The following SGCZ variants were observed in gnomAD, a reference collection of about 807,000 sequenced individuals.
SGCZ encodes the protein sarcoglycan zeta, also known as zeta-sarcoglycan.
Under a neutral mutation model 41.3 loss-of-function variants are expected in SGCZ, and 40 were observed. The observed-to-expected ratio is 0.97, with a 90% CI of 0.75 to 1.26. The LOEUF is 1.26. Among genes scored for constraint, SGCZ ranks in the 50% most tolerant of loss-of-function variants. The probability of loss-of-function intolerance (pLI) is 0.00; values close to 1 mark genes in which losing one functional copy is unlikely to be tolerated. For missense variants in SGCZ, 552 were observed against 369.8 expected, an observed-to-expected ratio of 1.49 and a Z score of -4.04; for synonymous variants, 206 against 137.5, an observed-to-expected ratio of 1.50 and a Z score of -3.49.
chr8:14,181,106 C>T (rs181369184), intron 4 of SGCZ, among the ~76,000 whole-genome samples: 3 of 152,262 alleles, frequency 2.0e-5, no homozygotes, highest in South Asian at 2.1e-4. Context: ...CTGAGGCCCA[C>T]AGTAGTCTCC....
intron 3 of SGCZ, among the ~76,000 whole-genome samples, chr8:14,271,575 T>C (rs2117264497): frequency 6.6e-6 from 1 of 152,332 alleles, no homozygotes; most frequent in African/African-American, 2.4e-5. Flanking sequence ...AAACCTGAGT[T>C]TCCTGTTCCT....
rs180806553 is a variant in SGCZ at position 15,129,602 on chromosome 8, G to C, written c.39+107983C>G. 1.3e-3 allele frequency among the ~76,000 whole-genome samples: 190 copies of C among 149,330 alleles called. 1 individual carries two copies. Among genetic ancestry groups the C allele is most frequent in the African/African-American group, 3.8e-3 (157 of 40,820 alleles). On this transcript the variant is annotated intron_variant, in intron 1 of 7. Transcript: ENST00000382080. ...AAATGTTTCTTATTACTTGAGAAAA[G>C]TGCTTGATAACCAGCCATGCATGGG...
At chr8:14,972,947 T>C (rs985872002) in intron 1 of SGCZ, among the ~76,000 whole-genome samples, 1 of 152,232 alleles carries the variant, frequency 6.6e-6, no homozygotes, top group Non-Finnish European at 1.5e-5. Context: ...TCCCTTTGTG[T>C]AGTTACATAT....
chr8:14,411,955 G>A (rs1386200001), intron 2 of SGCZ, among the ~76,000 whole-genome samples: 1 of 152,096 alleles, frequency 6.6e-6, no homozygotes, highest in Admixed American at 6.6e-5. Context: ...GAGGTAAACA[G>A]CTGGGAAGAG....
At chr8:14,969,533 C>G (rs1801226598) in intron 1 of SGCZ, among the ~76,000 whole-genome samples, 1 of 151,936 alleles carries the variant, frequency 6.6e-6, no homozygotes, top group South Asian at 2.1e-4. Flanking sequence ...TGCCCCAGTC[C>G]CCAAGCTTAG....
intron 3 of SGCZ, among the ~76,000 whole-genome samples, chr8:14,282,851 T>TTTTTTTG (rs1800493006): frequency 8.5e-6 from 1 of 118,100 alleles, no homozygotes; most frequent in Non-Finnish European, 1.8e-5. Context: ...CAAATACTTT[T>TTTTTTTG]TTTTTTTTTT....
chr8:14,197,593 CT>C (rs2117061610), intron 4 of SGCZ, among the ~76,000 whole-genome samples: 1 of 152,024 alleles, frequency 6.6e-6, no homozygotes, highest in African/African-American at 2.4e-5. Flanking sequence ...GAAAAAGCTT[CT>C]GTCAAAATTC....
At chr8:14,759,186 C>G (rs1799777951) in intron 1 of SGCZ, among the ~76,000 whole-genome samples, 1 of 151,944 alleles carries the variant, frequency 6.6e-6, no homozygotes, top group South Asian at 2.1e-4. Flanking sequence ...CAATTTACAT[C>G]TATGCATGTA....
At chr8:15,097,764 GTT>G (rs1174173993) in intron 1 of SGCZ, among the ~76,000 whole-genome samples, 1 of 134,232 alleles carries the variant, frequency 7.4e-6, no homozygotes, top group African/African-American at 3.0e-5. Context: ...GTATATATGT[GTT>G]TATATATATA....
At chr8:14,097,986 T>G (rs1367803910) in intron 7 of SGCZ, among the ~76,000 whole-genome samples, 1 of 152,298 alleles carries the variant, frequency 6.6e-6, no homozygotes, top group African/African-American at 2.4e-5. Context: ...CTTAAAGTGG[T>G]ATTTTATAGC....
intron 1 of SGCZ, among the ~76,000 whole-genome samples, chr8:14,674,047 C>T (rs975426153): frequency 6.6e-6 from 1 of 151,692 alleles, no homozygotes; most frequent in East Asian, 1.9e-4. Context: ...AGATGAAGTT[C>T]GATGAATAAA....
intron 1 of SGCZ, among the ~76,000 whole-genome samples, chr8:14,826,244 C>G (rs1802309279): frequency 6.6e-6 from 1 of 152,110 alleles, no homozygotes; most frequent in South Asian, 2.1e-4. Context: ...TCATCCATGT[C>G]CCTACAAAGG....
intron 4 of SGCZ, among the ~76,000 whole-genome samples, chr8:14,177,958 C>CTTTTCTTTTTTTTCTT (rs767919994): frequency 1.1e-5 from 1 of 95,056 alleles, no homozygotes; most frequent in African/African-American, 3.7e-5. Context: ...CTTTTTTTTT[C>CTTTTCTTTTTTTTCTT]TTTTTTTTTT....
intron 1 of SGCZ, among the ~76,000 whole-genome samples, chr8:14,881,109 T>A (rs778309808): frequency 3.9e-5 from 6 of 152,250 alleles, no homozygotes; most frequent in Non-Finnish European, 7.4e-5. Context: ...CTAATGAAAA[T>A]AATGCCTACA....
intron 3 of SGCZ, among the ~76,000 whole-genome samples, chr8:14,269,130 T>C (rs1799974161): frequency 6.6e-6 from 1 of 152,122 alleles, no homozygotes. Context: ...TTTTTATTTG[T>C]TTTCATAAAT....
At chr8:14,456,042 A>C (rs951145730) in intron 2 of SGCZ, among the ~76,000 whole-genome samples, 2 of 152,062 alleles carry the variant, frequency 1.3e-5, no homozygotes, top group African/African-American at 4.8e-5. Flanking sequence ...GGAAGGTGAA[A>C]ACGTTCTAAT....
intron 1 of SGCZ, among the ~76,000 whole-genome samples, chr8:15,162,252 A>G (rs1799531229): frequency 6.6e-6 from 1 of 152,186 alleles, no homozygotes; most frequent in South Asian, 2.1e-4. Flanking sequence ...GCATTAATCA[A>G]TAGATTAAAG....
intron 2 of SGCZ, among the ~76,000 whole-genome samples, chr8:14,434,183 T>C (rs1446184588): frequency 1.3e-5 from 2 of 152,224 alleles, no homozygotes; most frequent in African/African-American, 2.4e-5. Context: ...TTCTCCTACA[T>C]GTGGCTTGCC....
chr8:14,692,436 C>T (rs1045369584), intron 1 of SGCZ, among the ~76,000 whole-genome samples: 10 of 151,896 alleles, frequency 6.6e-5, no homozygotes, highest in Non-Finnish European at 1.3e-4. Flanking sequence ...ACCAATAATA[C>T]CTACATACTA....
Sources: gnomAD v4.1 joint callset for allele counts (sites outside exome capture counted in the v4.1 genomes callset) on GRCh38, gnomAD v4.1.1 for gene constraint, MANE v1.5 for transcripts, NCBI Gene and HGNC (gene_info 2026-07-23, HGNC 2026-07-21) for gene names.